The following NTM variants were observed in gnomAD, a reference collection of about 807,000 sequenced individuals.
NTM encodes the protein IgLON family member 2.
NTM carries 13 observed loss-of-function variants against 42.1 expected under a neutral mutation model. The observed-to-expected ratio is 0.31, with a 90% confidence interval of 0.20 to 0.49. The LOEUF (loss-of-function observed/expected upper bound fraction) is 0.49, where lower values mean the gene tolerates loss of function less well. Ranked by LOEUF, NTM falls within the 20% of genes least tolerant of loss-of-function variation. NTM has a pLI of 0.99. For missense variants in NTM, 373 were observed against 452.8 expected (o/e 0.82, Z 1.60); for synonymous variants, 187 against 179.2 (o/e 1.04, Z -0.35).
intron 4 of NTM, among the ~76,000 whole-genome samples, chr11:132,305,393 A>G (rs913604352): frequency 1.3e-5 from 2 of 152,240 alleles, no homozygotes; most frequent in East Asian, 1.9e-4. Flanking sequence ...ATCCAGAAAC[A>G]GCTGTCCAGA....
At chr11:132,273,873 C>T (rs1306947998) in intron 4 of NTM, among the ~76,000 whole-genome samples, 1 of 152,178 alleles carries the variant, frequency 6.6e-6, no homozygotes, top group Non-Finnish European at 1.5e-5. Flanking sequence ...TGCCATTGCA[C>T]TCCAGCCTGG....
intron 3 of NTM, among the ~76,000 whole-genome samples, chr11:132,163,648 C>G (rs1331863571): frequency 6.6e-6 from 1 of 152,198 alleles, no homozygotes; most frequent in Non-Finnish European, 1.5e-5. Context: ...CCCTCAAACA[C>G]TAAGCTTCCC....
chr11:131,753,876 A>G (rs940869101), intron 1 of NTM, among the ~76,000 whole-genome samples: 7 of 150,854 alleles, frequency 4.6e-5, no homozygotes, highest in African/African-American at 1.7e-4. Context: ...CATGTACCCT[A>G]AAACTTAAAG....
chr11:132,187,242 T>TGTGTGTGC (rs1555304719), intron 3 of NTM, among the ~76,000 whole-genome samples: 8 of 116,832 alleles, frequency 6.8e-5, no homozygotes, highest in African/African-American at 2.1e-4. Flanking sequence ...TGTGTGTGTG[T>TGTGTGTGC]GTGTGCGTGT....
chr11:132,262,497 C>G (rs1263211402), intron 4 of NTM, among the ~76,000 whole-genome samples: 2 of 152,196 alleles, frequency 1.3e-5, no homozygotes, highest in African/African-American at 4.8e-5. Context: ...CTGGTGGGGG[C>G]TCTCTTCTTG....
intron 1 of NTM, among the ~76,000 whole-genome samples, chr11:131,846,103 C>T (rs925547894): frequency 1.4e-4 from 21 of 152,060 alleles, no homozygotes; most frequent in East Asian, 9.7e-4. Flanking sequence ...TTTGATTTTC[C>T]GTGCTTTAAT....
At chr11:131,886,548 CG>C (rs1192125249) in intron 1 of NTM, among the ~76,000 whole-genome samples, 1 of 152,234 alleles carries the variant, frequency 6.6e-6, no homozygotes, top group Non-Finnish European at 1.5e-5. Context: ...GTCTGAGGCA[CG>C]CCTCTTGTGT....
intron 2 of NTM, among the ~76,000 whole-genome samples, chr11:131,929,148 G>C (rs1291107539): frequency 1.3e-5 from 2 of 151,196 alleles, no homozygotes; most frequent in Non-Finnish European, 2.9e-5. Context: ...GCGGCAGCCA[G>C]GGAGGGAAAG....
In NTM at chr11:131,973,328, T is replaced by A. The variant is rs80192026; in HGVS notation, c.167+61680T>A. On this transcript the variant is annotated intron_variant, in intron 2 of 8. Coordinates refer to ENST00000683400, the MANE Select transcript of NTM (RefSeq NM_001352005.2). ...CTTTTGGGAATTTCAAAGCCTAGAA[T>A]TCTAAATGTGAGGCCTCTCACTTAG... 7.3e-3 allele frequency among the ~76,000 whole-genome samples: 1,108 copies of A among 152,322 alleles called. 17 individuals carry two copies. Among genetic ancestry groups the A allele is most frequent in the African/African-American group, 0.026 (1,068 of 41,566 alleles).
chr11:131,844,357 TC>T (rs1371353867), intron 1 of NTM, among the ~76,000 whole-genome samples: 15 of 152,146 alleles, frequency 9.9e-5, no homozygotes, highest in African/African-American at 3.1e-4. Context: ...TGGGGCCCAT[TC>T]CACACTACCT....
intron 1 of NTM, among the ~76,000 whole-genome samples, chr11:131,416,541 G>C (rs956693600): frequency 2.0e-5 from 3 of 152,024 alleles, no homozygotes; most frequent in Admixed American, 6.6e-5. Context: ...CTATGCTTGG[G>C]GAGCCAACTA....
intron 3 of NTM, among the ~76,000 whole-genome samples, chr11:132,204,387 A>G (rs910957152): frequency 6.6e-6 from 1 of 152,208 alleles, no homozygotes; most frequent in Non-Finnish European, 1.5e-5. Flanking sequence ...AAACGATGCC[A>G]GGCATTATGA....
chr11:131,457,691 A>AATT (rs1951018540), intron 1 of NTM, among the ~76,000 whole-genome samples: 1 of 152,066 alleles, frequency 6.6e-6, no homozygotes, highest in Non-Finnish European at 1.5e-5. Context: ...TTTTGGAATC[A>AATT]TATGTGCAAT....
intron 1 of NTM, among the ~76,000 whole-genome samples, chr11:131,901,290 C>T (rs1592693428): frequency 6.6e-6 from 1 of 152,318 alleles, no homozygotes; most frequent in East Asian, 1.9e-4. Flanking sequence ...CATGCCCAAT[C>T]CCTTCCACAT....
At chr11:131,517,998 T>A (rs1022310836) in intron 1 of NTM, among the ~76,000 whole-genome samples, 1 of 152,232 alleles carries the variant, frequency 6.6e-6, no homozygotes, top group Non-Finnish European at 1.5e-5. Flanking sequence ...ATAATTATCA[T>A]GTCTCTCATT....
chr11:132,219,288 A>C (rs2084596479), intron 4 of NTM, among the ~76,000 whole-genome samples: 2 of 152,080 alleles, frequency 1.3e-5, no homozygotes, highest in South Asian at 4.1e-4. Context: ...GTGCATTTCC[A>C]ACTATGGCAC....
intron 1 of NTM, among the ~76,000 whole-genome samples, chr11:131,870,806 C>T (rs187106159): frequency 1.3e-5 from 2 of 152,242 alleles, no homozygotes; most frequent in African/African-American, 4.8e-5. Context: ...CTACCCAATA[C>T]TTAATTTTCA....
At chr11:132,076,100 G>A (rs2058329745) in intron 2 of NTM, among the ~76,000 whole-genome samples, 1 of 152,106 alleles carries the variant, frequency 6.6e-6, no homozygotes, top group African/African-American at 2.4e-5. Flanking sequence ...TGTTGAAATA[G>A]CTGTCTTCCA....
chr11:131,510,104 C>T (rs1206683809), intron 1 of NTM, among the ~76,000 whole-genome samples: 1 of 152,002 alleles, frequency 6.6e-6, no homozygotes, highest in African/African-American at 2.4e-5. Flanking sequence ...CTGGAGGCCG[C>T]ATAGCCATCA....
Sources: gnomAD v4.1 joint callset for allele counts (sites outside exome capture counted in the v4.1 genomes callset) on GRCh38, gnomAD v4.1.1 for gene constraint, MANE v1.5 for transcripts, NCBI Gene and HGNC (gene_info 2026-07-23, HGNC 2026-07-21) for gene names.